The following APBB2 variants were observed in gnomAD, a reference collection of about 807,000 sequenced individuals.
The protein encoded by APBB2 is amyloid beta precursor protein binding family B member 2, also known as Fe65-like 1.
Under a neutral mutation model 82.5 loss-of-function variants are expected in APBB2, and 38 were observed. The ratio of observed to expected loss-of-function variants is 0.46; its 90% CI spans 0.36 to 0.60. The LOEUF is 0.60. Among genes scored for constraint, APBB2 ranks in the 20% least tolerant of loss-of-function variants. The probability of loss-of-function intolerance (pLI) is 0.00; values close to 1 mark genes in which losing one functional copy is unlikely to be tolerated. For missense variants in APBB2, 772 were observed against 972.3 expected, an observed-to-expected ratio of 0.79 and a Z score of 2.74; for synonymous variants, 341 against 368.2, an observed-to-expected ratio of 0.93 and a Z score of 0.85.
chr4:40,911,508 C>A lies in APBB2; in HGVS notation c.1255-18097G>T, dbSNP rs988303594. 5.9e-5 allele frequency among the ~76,000 whole-genome samples: 9 copies of A among 152,300 alleles called. No homozygotes were observed. In the South Asian group the frequency reaches 1.9e-3, roughly 32 times the overall value. ...AAGTCATATAAAATATCGATTCAGT[C>A]GGGGGACCTAGAGTCAGGTAACATG... On this transcript the variant is annotated intron_variant, in intron 10 of 17. Transcript: ENST00000508593.
chr4:40,953,659 C>T (rs1314590700), intron 6 of APBB2, among the ~76,000 whole-genome samples: 1 of 152,206 alleles, frequency 6.6e-6, no homozygotes, highest in Non-Finnish European at 1.5e-5. Flanking sequence ...AACCCTCGTG[C>T]TAGAAGCCTT....
chr4:41,036,803 C>A (rs906371820), intron 4 of APBB2, among the ~76,000 whole-genome samples: 2 of 152,160 alleles, frequency 1.3e-5, no homozygotes, highest in Non-Finnish European at 2.9e-5. Flanking sequence ...TACAACTATG[C>A]AGAACTTTTT....
In APBB2 at chr4:40,918,708, T is replaced by C. The variant is rs533492481; in HGVS notation, c.1254+15748A>G. On this transcript the variant is annotated intron_variant, in intron 10 of 17. Transcript: ENST00000508593. ...CCTTCCTTCTTTCGGACGACTTCCT[T>C]CCTTCCTTCCTTCCTCCCTCCCTCC... Among the ~76,000 whole-genome samples, 230 of 141,048 alleles carry C rather than the reference T, an allele frequency of 1.6e-3. 3 individuals carry two copies. The highest frequency in any genetic ancestry group is 2.7e-3 in the Non-Finnish European group (182 of 67,638). The allele number at this position is 141,048 out of a possible 152,430, so 92.5% of individuals were successfully genotyped here.
chr4:40,996,976 C>A (rs1450191774), intron 6 of APBB2, among the ~76,000 whole-genome samples: 1 of 152,106 alleles, frequency 6.6e-6, no homozygotes, highest in African/African-American at 2.4e-5. Flanking sequence ...AGGAACTCAA[C>A]CATCAAGCCT....
chr4:41,199,157 G>GT (rs1382051052), intron 1 of APBB2, among the ~76,000 whole-genome samples: 3 of 100,924 alleles, frequency 3.0e-5, no homozygotes, highest in Admixed American at 1.9e-4. Context: ...TTATATTTTT[G>GT]GGGGGGACAC....
chr4:41,032,778 C>CTTTTTTTTTTTTTTTTTTTT (rs11421268), intron 5 of APBB2, among the ~76,000 whole-genome samples: 1 of 84,318 alleles, frequency 1.2e-5, no homozygotes, highest in African/African-American at 4.7e-5. Flanking sequence ...ATTTTTCTTT[C>CTTTTTTTTTTTTTTTTTTTT]TTTTTTTTTT....
intron 1 of APBB2, among the ~76,000 whole-genome samples, chr4:41,168,961 C>T (rs777883888): frequency 6.6e-6 from 1 of 151,472 alleles, no homozygotes; most frequent in African/African-American, 2.4e-5. Flanking sequence ...CTGAGGTGGG[C>T]GGATCACAAG....
chr4:40,853,457 C>CT (rs112974904), intron 12 of APBB2, among the ~76,000 whole-genome samples: 17,831 of 146,198 alleles, frequency 0.12, 1,158 homozygotes, highest in Non-Finnish European at 0.16. Context: ...TGCTTTCCTT[C>CT]TTTTTTTTTT....
At chr4:41,075,564 C>T (rs1310082824) in intron 3 of APBB2, among the ~76,000 whole-genome samples, 1 of 152,148 alleles carries the variant, frequency 6.6e-6, no homozygotes, top group Non-Finnish European at 1.5e-5. Flanking sequence ...CCCTATAGAA[C>T]ACAACTGGGA....
chr4:40,926,301 C>T (rs915677761), intron 10 of APBB2, among the ~76,000 whole-genome samples: 2 of 152,182 alleles, frequency 1.3e-5, no homozygotes, highest in Admixed American at 1.3e-4. Context: ...CCCACAGGTA[C>T]AGTAACGTGT....
chr4:40,930,956 C>T (rs1784089087), intron 10 of APBB2, among the ~76,000 whole-genome samples: 2 of 152,106 alleles, frequency 1.3e-5, no homozygotes, highest in African/African-American at 4.8e-5. Context: ...ACTGTGTTAG[C>T]CCAGATGGTC....
At position 40,832,013 on chromosome 4, in the gene APBB2, T is replaced by TACACACACACAC. The variant is rs1553930075; in HGVS notation, c.1530-1448_1530-1437dup. On this transcript the variant is annotated intron_variant, in intron 12 of 17. Transcript: ENST00000508593. This position sits in a 1 kb window ranked among gnomAD's most constrained non-coding sequence, Gnocchi z 4.8. ...ACACATATTTATATATTTATTTATA[T>TACACACACACAC]ACACACACACACACACACACACACA... Among the ~76,000 whole-genome samples, 6,202 of 138,766 alleles carry TACACACACACAC rather than the reference T, an allele frequency of 0.045. 171 individuals are homozygous for TACACACACACAC. The highest frequency in any genetic ancestry group is 0.055 in the Non-Finnish European group (3,544 of 64,350). 91.0% of individuals were successfully genotyped at this position (138,766 alleles called of 152,430 possible).
chr4:41,205,970 C>T (rs1263303169), intron 1 of APBB2, among the ~76,000 whole-genome samples: 2 of 152,158 alleles, frequency 1.3e-5, no homozygotes, highest in Non-Finnish European at 2.9e-5. Flanking sequence ...CTAGGGCTAT[C>T]CTTGCACATG....
chr4:40,963,392 A>T (rs1051935788), intron 6 of APBB2, among the ~76,000 whole-genome samples: 3 of 152,096 alleles, frequency 2.0e-5, no homozygotes, highest in Non-Finnish European at 4.4e-5. Flanking sequence ...GACCACAGGT[A>T]TGCACCATCA....
intron 4 of APBB2, among the ~76,000 whole-genome samples, chr4:41,054,329 T>G (rs891534445): frequency 3.9e-5 from 6 of 152,132 alleles, no homozygotes; most frequent in African/African-American, 1.4e-4. Flanking sequence ...TGGCCAGAAG[T>G]AGGTCACAGG....
intron 12 of APBB2, among the ~76,000 whole-genome samples, chr4:40,837,001 T>C (rs1256244643): frequency 1.3e-5 from 2 of 152,254 alleles, no homozygotes; most frequent in Non-Finnish European, 2.9e-5. Flanking sequence ...CCCAGTGTCA[T>C]GATGCTAAAG....
At chr4:41,186,606 T>C (rs1772974363) in intron 1 of APBB2, among the ~76,000 whole-genome samples, 1 of 152,234 alleles carries the variant, frequency 6.6e-6, no homozygotes, top group South Asian at 2.1e-4. Flanking sequence ...ACTGTTGTAG[T>C]TCAGATCTCT....
chr4:41,024,006 T>G (rs1268422759), intron 5 of APBB2, among the ~76,000 whole-genome samples: 4 of 152,060 alleles, frequency 2.6e-5, no homozygotes, highest in Non-Finnish European at 4.4e-5. Flanking sequence ...TGGGACAGAA[T>G]AGAGAGCCCA....
At chr4:41,062,042 G>C (rs938067519) in intron 4 of APBB2, among the ~76,000 whole-genome samples, 1 of 152,204 alleles carries the variant, frequency 6.6e-6, no homozygotes, top group African/African-American at 2.4e-5. Flanking sequence ...GCAGGCCCCA[G>C]GTCAAATTGG....
Sources: gnomAD v4.1 joint callset for allele counts (sites outside exome capture counted in the v4.1 genomes callset) on GRCh38, gnomAD v4.1.1 for gene constraint, Gnocchi (gnomAD v3.1) non-coding constraint, MANE v1.5 for transcripts, NCBI Gene and HGNC (gene_info 2026-07-23, HGNC 2026-07-21) for gene names.